The following WDR41 variants were observed in gnomAD, a reference collection of about 807,000 sequenced individuals.
The protein encoded by WDR41 is WD repeat domain 41.
In WDR41, 63 loss-of-function variants were observed where a neutral mutation model predicts 69.3. The ratio of observed to expected loss-of-function variants is 0.91; its 90% confidence interval spans 0.74 to 1.12. WDR41 has a LOEUF of 1.12. Ranked by LOEUF, WDR41 falls within the 50% of genes most tolerant of loss-of-function variation. WDR41 has a pLI of 0.00. For synonymous variants in WDR41, 185 were observed against 192.1 expected (o/e 0.96, Z 0.31); for missense variants, 543 against 534.5 (o/e 1.02, Z -0.16).
chr5:77,511,292 C>T (rs768266302), intron 1 of WDR41, among the ~76,000 whole-genome samples: 11 of 152,156 alleles, frequency 7.2e-5, no homozygotes, highest in Non-Finnish European at 1.6e-4. Flanking sequence ...TTATCCTGTG[C>T]TCTTATTCAA....
intron 7 of WDR41, among the ~76,000 whole-genome samples, chr5:77,450,458 T>C (rs1799581380): frequency 6.6e-6 from 1 of 152,250 alleles, no homozygotes; most frequent in South Asian, 2.1e-4. Context: ...TTACTCATTA[T>C]CTGACTTTAA....
At chr5:77,519,671 T>A (rs867027241) in intron 1 of WDR41, among the ~76,000 whole-genome samples, 10 of 152,090 alleles carry the variant, frequency 6.6e-5, no homozygotes, top group Middle Eastern at 3.4e-3. Flanking sequence ...AAATATTTTT[T>A]AAAAATCATG....
chr5:77,520,514 G>C (rs77261989), intron 1 of WDR41, among the ~76,000 whole-genome samples: 4,128 of 152,170 alleles, frequency 0.027, 158 homozygotes, highest in African/African-American at 0.086. Flanking sequence ...ACCTGACACC[G>C]CATTGAACAA....
rs1436665840 is a variant in WDR41, at chr5:77,449,885, CA to C, written c.587-16del. The C allele has an allele frequency of 6.4e-7, 1 of 1,554,116 alleles. No homozygotes were observed. The highest frequency in any genetic ancestry group is 8.9e-7 in the Non-Finnish European group (1 of 1,127,610). ...CCTGAAAATTACTAAATGAAAAAGACAGATAAAATTTTATTACAATGCTCTA... is the reference window on the plus strand; with the variant it reads ...CCTGAAAATTACTAAATGAAAAAGACGATAAAATTTTATTACAATGCTCTA... On this transcript the variant is annotated splice_polypyrimidine_tract_variant and intron_variant, in intron 7 of 12. Transcript: ENST00000296679.
At chr5:77,462,523 T>TTA (rs1199445228) in intron 4 of WDR41, among the ~76,000 whole-genome samples, 1 of 152,096 alleles carries the variant, frequency 6.6e-6, no homozygotes, top group Non-Finnish European at 1.5e-5. Flanking sequence ...ACATAAGCAC[T>TTA]TTACTACTGC....
Position 77,453,937 on chromosome 5 carries a change from T to C in WDR41, c.412-9A>G. The C allele has an allele frequency of 6.2e-7, 1 of 1,601,536 alleles. No individual in the cohort carries two copies. The highest frequency in any genetic ancestry group is 8.6e-7 in the Non-Finnish European group (1 of 1,168,672). ...TGAAGAACAGTTAAACACTGCAAAATTTATTTGAAATGTATATCAGGTTAG... is the reference window on the plus strand; with the variant it reads ...TGAAGAACAGTTAAACACTGCAAAACTTATTTGAAATGTATATCAGGTTAG... On this transcript the variant is annotated splice_polypyrimidine_tract_variant and intron_variant, in intron 5 of 12. Transcript: ENST00000296679.
chr5:77,602,922 CA>C (rs1170947056), intron 1 of WDR41, among the ~76,000 whole-genome samples: 1 of 150,354 alleles, frequency 6.7e-6, no homozygotes, highest in African/African-American at 2.4e-5. Flanking sequence ...TCCTCACCAG[CA>C]TCTGTTATTT....
chr5:77,440,379 A>G (rs1799110877), intron 9 of WDR41, among the ~76,000 whole-genome samples: 1 of 152,190 alleles, frequency 6.6e-6, no homozygotes. Flanking sequence ...GTCCTATAAG[A>G]TGGAATCCAA....
At chr5:77,616,177 T>C (rs1055025836) in intron 1 of WDR41, among the ~76,000 whole-genome samples, 9 of 152,026 alleles carry the variant, frequency 5.9e-5, no homozygotes, top group African/African-American at 1.2e-4. Context: ...ATGTATATAT[T>C]TTTTTCTACC....
At chr5:77,550,135 G>A (rs549060988) in intron 1 of WDR41, among the ~76,000 whole-genome samples, 1 of 152,126 alleles carries the variant, frequency 6.6e-6, no homozygotes, top group African/African-American at 2.4e-5. Context: ...CAAACTATAA[G>A]AATCCTCAAA....
Position 77,438,343 on chromosome 5 carries a change from C to G in WDR41, c.901G>C (p.Gly301Arg), listed in dbSNP as rs560941217. Residue 301 changes from glycine (G) to arginine (R), a missense_variant, in exon 10 of 13, where the codon GGA becomes CGA. By Grantham distance (125) the Gly-to-Arg change is moderately radical (BLOSUM62 -2). Transcript: ENST00000296679. The part of the protein sequence containing the change: ...CDEENVFAAV[G>R]RGLYVYSLQM... ...AGGCTATACACGTATAAACCCCTTC[C>G]AACTGCAGCAAATACATTCTAGGGG... 6.2e-7 allele frequency: 1 copy of G among 1,613,960 alleles called. No homozygotes were observed. Among genetic ancestry groups the G allele is most frequent in the East Asian group, 2.2e-5 (1 of 44,874 alleles).
intron 1 of WDR41, among the ~76,000 whole-genome samples, chr5:77,609,753 T>A (rs1405029606): frequency 6.6e-6 from 1 of 152,068 alleles, no homozygotes; most frequent in Non-Finnish European, 1.5e-5. Flanking sequence ...AGAGCGCCTC[T>A]CCTCCTCCAA....
chr5:77,450,154 G>A (rs1404007009), intron 7 of WDR41, among the ~76,000 whole-genome samples: 1 of 152,046 alleles, frequency 6.6e-6, no homozygotes, highest in African/African-American at 2.4e-5. Context: ...GGGTTTCAAC[G>A]GATGTCTTGT....
intron 2 of WDR41, among the ~76,000 whole-genome samples, chr5:77,474,502 T>A (rs1198581054): frequency 6.6e-6 from 1 of 152,130 alleles, no homozygotes; most frequent in African/African-American, 2.4e-5. Flanking sequence ...TGAAGAAAAT[T>A]AGAGAAGCAT....
chr5:77,561,713 G>T (rs1322639239), intron 1 of WDR41, among the ~76,000 whole-genome samples: 1 of 151,984 alleles, frequency 6.6e-6, no homozygotes, highest in Admixed American at 6.6e-5. Flanking sequence ...AACACAAATT[G>T]TTCACTTCAT....
chr5:77,505,116 T>C (rs941005131), intron 1 of WDR41, among the ~76,000 whole-genome samples: 1 of 152,082 alleles, frequency 6.6e-6, no homozygotes, highest in Admixed American at 6.6e-5. Flanking sequence ...GATTGTATAT[T>C]TAGAAAACCC....
intron 8 of WDR41, among the ~76,000 whole-genome samples, chr5:77,445,474 A>G (rs1799345674): frequency 6.6e-6 from 1 of 152,238 alleles, no homozygotes; most frequent in South Asian, 2.1e-4. Context: ...CAACAAAAAA[A>G]AGAAAACTTC....
chr5:77,524,167 G>T (rs1051166671), intron 1 of WDR41, among the ~76,000 whole-genome samples: 16 of 152,172 alleles, frequency 1.1e-4, no homozygotes, highest in African/African-American at 3.9e-4. Context: ...CTGAGGTGTA[G>T]TTAACAAATA....
intron 12 of WDR41, among the ~76,000 whole-genome samples, chr5:77,435,544 TGAATGCCCTTTCAAATGAAAA>T: frequency 6.6e-6 from 1 of 152,314 alleles, no homozygotes; most frequent in East Asian, 1.9e-4. Context: ...CTCCTAAGCA[TGAATGCCCTTTCAAATGAAAA>T]GAAATTTTTT....
Sources: gnomAD v4.1 joint callset for allele counts (sites outside exome capture counted in the v4.1 genomes callset) on GRCh38, gnomAD v4.1.1 for gene constraint, MANE v1.5 for transcripts, NCBI Gene and HGNC (gene_info 2026-07-23, HGNC 2026-07-21) for gene names.